NTN1: variants seen among roughly 807,000 people sequenced by gnomAD.
NTN1 encodes netrin 1.
A neutral mutation model predicts 54.2 loss-of-function variants in NTN1; 11 were observed. The observed-to-expected ratio is 0.20, with a 90% CI of 0.13 to 0.34. The LOEUF (loss-of-function observed/expected upper bound fraction) is 0.34, where lower values mean the gene tolerates loss of function less well. NTN1 is among the 10% of genes least tolerant of loss of function. NTN1 has a pLI of 1.00. For synonymous variants in NTN1, 371 were observed against 382.0 expected, an observed-to-expected ratio of 0.97 and a Z score of 0.33; for missense variants, 740 against 893.1, an observed-to-expected ratio of 0.83 and a Z score of 2.18.
chr17:9,047,106 G>T (rs1201896124), intron 2 of NTN1, among the ~76,000 whole-genome samples: 1 of 152,176 alleles, frequency 6.6e-6, no homozygotes, highest in African/African-American at 2.4e-5. Flanking sequence ...GATCACCTGA[G>T]CCTTCAGCAA....
At chr17:9,034,708 C>G (rs2091898023) in intron 2 of NTN1, among the ~76,000 whole-genome samples, 1 of 152,036 alleles carries the variant, frequency 6.6e-6, no homozygotes, top group African/African-American at 2.4e-5. Context: ...CAGGGGTGAG[C>G]CACTGCGCCT....
intron 5 of NTN1, among the ~76,000 whole-genome samples, chr17:9,210,673 G>A (rs966714836): frequency 4.6e-5 from 7 of 151,994 alleles, no homozygotes; most frequent in African/African-American, 4.8e-5. Flanking sequence ...TTGGGAGGCC[G>A]AGGCAAGCGG....
At chr17:9,040,317 A>G (rs1490441987) in intron 2 of NTN1, among the ~76,000 whole-genome samples, 1 of 152,180 alleles carries the variant, frequency 6.6e-6, no homozygotes, top group Non-Finnish European at 1.5e-5. Context: ...TATTAGCATC[A>G]CACATTTTTT....
At chr17:9,213,029 G>T (rs1360974889) in intron 5 of NTN1, among the ~76,000 whole-genome samples, 1 of 152,232 alleles carries the variant, frequency 6.6e-6, no homozygotes, top group Non-Finnish European at 1.5e-5. Flanking sequence ...TGGAGGAAGA[G>T]GCAGGACGGT....
intron 2 of NTN1, among the ~76,000 whole-genome samples, chr17:9,060,844 C>T (rs531355015): frequency 2.2e-4 from 33 of 151,940 alleles, no homozygotes; most frequent in Non-Finnish European, 3.1e-4. Context: ...GGCATGGTGG[C>T]GCGTGCCTGT....
intron 2 of NTN1, among the ~76,000 whole-genome samples, chr17:9,044,279 G>A (rs887577646): frequency 6.6e-6 from 1 of 151,710 alleles, no homozygotes; most frequent in African/African-American, 2.4e-5. Flanking sequence ...CTGCGGCCCA[G>A]GCTGGAGTGC....
intron 2 of NTN1, among the ~76,000 whole-genome samples, chr17:9,122,195 A>G (rs543151347): frequency 3.7e-4 from 56 of 151,682 alleles, no homozygotes; most frequent in Non-Finnish European, 6.9e-4. Flanking sequence ...CCGCCACCAC[A>G]CCCAGCTAAT....
At chr17:9,076,549 T>A (rs2092050546) in intron 2 of NTN1, among the ~76,000 whole-genome samples, 1 of 151,288 alleles carries the variant, frequency 6.6e-6, no homozygotes, top group South Asian at 2.1e-4. Context: ...ATTTTTCAAA[T>A]TTTTTTGTGG....
At chr17:9,031,472 T>C (rs1364128479) in intron 2 of NTN1, among the ~76,000 whole-genome samples, 1 of 152,160 alleles carries the variant, frequency 6.6e-6, no homozygotes, top group Non-Finnish European at 1.5e-5. Context: ...AATATTAGAC[T>C]CCTCAATATA....
chr17:9,154,664 A>G (rs549813091), intron 2 of NTN1, among the ~76,000 whole-genome samples: 1 of 152,344 alleles, frequency 6.6e-6, no homozygotes, highest in East Asian at 1.9e-4. Flanking sequence ...AACACACTGG[A>G]GGCGGAATAC....
intron 6 of NTN1, among the ~76,000 whole-genome samples, chr17:9,233,603 A>G (rs927589479): frequency 7.9e-5 from 12 of 151,876 alleles, no homozygotes; most frequent in African/African-American, 2.4e-5. Context: ...TTTTGGATGG[A>G]CTGGGGTCTG....
At position 9,242,844 on chromosome 17, in the gene NTN1, C is replaced by T. The variant is rs1448290773; in HGVS notation, c.*2876C>T. 1 of 152,384 alleles carries T rather than the reference C, an allele frequency of 6.6e-6. No homozygotes were observed. Among genetic ancestry groups the T allele is most frequent in the Non-Finnish European group, 1.5e-5 (1 of 68,124 alleles). 9.4% of individuals were successfully genotyped at this position (152,384 alleles called of 1,614,324 possible). On this transcript the variant is annotated 3_prime_UTR_variant, in exon 7 of 7. Coordinates refer to ENST00000173229, the MANE Select transcript of NTN1 (RefSeq NM_004822.3). Reference sequence around the variant, plus strand: ...GCACCATCCTTGGGAAAGCACCCCTCCTCCACTCCGGTGCCCCACTCCAAG... The same window carrying T: ...GCACCATCCTTGGGAAAGCACCCCTTCTCCACTCCGGTGCCCCACTCCAAG...
At chr17:9,105,466 A>G (rs2092162758) in intron 2 of NTN1, among the ~76,000 whole-genome samples, 2 of 152,214 alleles carry the variant, frequency 1.3e-5, no homozygotes, top group Admixed American at 1.3e-4. Flanking sequence ...TGTAGGAGGC[A>G]TTAATCCAGA....
In NTN1 at chr17:9,022,355, G is replaced by C; in HGVS notation, c.-19G>C. 7.8e-7 allele frequency: 1 copy of C among 1,281,724 alleles called. No homozygotes were observed. Among genetic ancestry groups the C allele is most frequent in the Non-Finnish European group, 9.8e-7 (1 of 1,020,338 alleles). The allele number at this position is 1,281,724 out of a possible 1,614,324, so 79.4% of individuals were successfully genotyped here. ...GACAGATCCTCGGCGCGGCAGGGCC[G>C]GGGCAAGCTGGACGCAGCATGATGC... On this transcript the variant is annotated 5_prime_UTR_variant, in exon 2 of 7. Transcript: ENST00000173229.
chr17:9,193,163 T>G (rs1453330514), intron 5 of NTN1, among the ~76,000 whole-genome samples: 2 of 152,026 alleles, frequency 1.3e-5, no homozygotes, highest in African/African-American at 4.8e-5. Flanking sequence ...AAAAAAGGAC[T>G]GAGCTTTTAT....
chr17:9,164,695 G>A (rs1039156728), intron 3 of NTN1, among the ~76,000 whole-genome samples: 1 of 152,082 alleles, frequency 6.6e-6, no homozygotes, highest in African/African-American at 2.4e-5. Flanking sequence ...TGGCTCCCTC[G>A]GTCAAGCAAG....
At chr17:9,121,513 A>T (rs920853351) in intron 2 of NTN1, among the ~76,000 whole-genome samples, 27 of 151,920 alleles carry the variant, frequency 1.8e-4, no homozygotes, top group African/African-American at 6.3e-4. Context: ...AGTTCTGTGC[A>T]TACGTAGGAT....
upstream of NTN1, among the ~76,000 whole-genome samples, chr17:9,016,903 G>GCCCT (rs2091833173): frequency 6.6e-6 from 1 of 152,166 alleles, no homozygotes; most frequent in Admixed American, 6.5e-5. Context: ...CTCATAGATA[G>GCCCT]TCACAAACTT....
intron 2 of NTN1, among the ~76,000 whole-genome samples, chr17:9,094,561 T>C (rs1208725869): frequency 6.6e-6 from 1 of 152,204 alleles, no homozygotes; most frequent in Admixed American, 6.5e-5. Flanking sequence ...CTATATGTAT[T>C]GGCAAATTGC....
Sources: gnomAD v4.1 joint callset for allele counts (sites outside exome capture counted in the v4.1 genomes callset) on GRCh38, gnomAD v4.1.1 for gene constraint, MANE v1.5 for transcripts, NCBI Gene and HGNC (gene_info 2026-07-23, HGNC 2026-07-21) for gene names.